The following PDE4B variants were observed in gnomAD, a reference collection of about 807,000 sequenced individuals.
PDE4B encodes 3',5'-cyclic-AMP phosphodiesterase 4B.
PDE4B carries 20 observed loss-of-function variants against 82.2 expected under a neutral mutation model. That is an observed-to-expected ratio of 0.24 (90% CI 0.17 to 0.35). The LOEUF (loss-of-function observed/expected upper bound fraction) is 0.35, where lower values mean the gene tolerates loss of function less well. Ranked by LOEUF, PDE4B falls within the 10% of genes least tolerant of loss-of-function variation. The pLI is 1.00. For missense variants in PDE4B, 655 were observed against 907.2 expected, an observed-to-expected ratio of 0.72 and a Z score of 3.57; for synonymous variants, 320 against 318.9, an observed-to-expected ratio of 1.00 and a Z score of -0.04.
chr1:66,282,949 G>A (rs542104016), intron 7 of PDE4B, among the ~76,000 whole-genome samples: 1 of 152,182 alleles, frequency 6.6e-6, no homozygotes, highest in Non-Finnish European at 1.5e-5. Flanking sequence ...ACCCTGACAA[G>A]AGGCCATACT....
chr1:65,819,346 CATGATTG>C (rs1005515789), intron 1 of PDE4B, among the ~76,000 whole-genome samples: 1 of 152,122 alleles, frequency 6.6e-6, no homozygotes, highest in Admixed American at 6.5e-5. Flanking sequence ...ATGGTGATTG[CATGATTG>C]AATGTCAGAA....
intron 3 of PDE4B, among the ~76,000 whole-genome samples, chr1:65,971,716 A>G (rs1456434354): frequency 1.3e-5 from 2 of 152,186 alleles, no homozygotes; most frequent in Non-Finnish European, 1.5e-5. Context: ...GGATGGTGTT[A>G]TCAGCAGTAT....
chr1:66,089,074 C>G (rs1644958488), intron 3 of PDE4B, among the ~76,000 whole-genome samples: 1 of 152,056 alleles, frequency 6.6e-6, no homozygotes, highest in Admixed American at 6.6e-5. Flanking sequence ...GCTAGCCAGT[C>G]TGGTTGGTAA....
intron 7 of PDE4B, among the ~76,000 whole-genome samples, chr1:66,283,993 C>A (rs745777448): frequency 2.0e-5 from 3 of 152,270 alleles, no homozygotes; most frequent in Admixed American, 6.5e-5. Context: ...GGCATTATGC[C>A]TGGGTAATGC....
chr1:66,257,963 C>T (rs928590290), intron 6 of PDE4B, 100 bp downstream of exon 6: 1 of 790,972 alleles, frequency 1.3e-6, no homozygotes, highest in Admixed American at 2.3e-5. Flanking sequence ...GAAAATTGTC[C>T]TCTAAGCTAA....
intron 3 of PDE4B, among the ~76,000 whole-genome samples, chr1:66,045,132 T>C (rs1056482001): frequency 2.0e-5 from 3 of 151,768 alleles, no homozygotes; most frequent in African/African-American, 7.2e-5. Flanking sequence ...TACCAGGACT[T>C]ATGACTGTTT....
At position 65,974,104 on chromosome 1, in the gene PDE4B, T is replaced by C. The variant is rs551681172; in HGVS notation, c.281+55269T>C. ...CTGGAATTACAGGTGTGAGCCACTA[T>C]ACCTGGCCTGGAATAATTTTTATGT... On this transcript the variant is annotated intron_variant, in intron 3 of 16. Transcript: ENST00000341517. 2.3e-3 allele frequency among the ~76,000 whole-genome samples: 354 copies of C among 152,290 alleles called. 1 individual carries two copies. Among genetic ancestry groups the C allele is most frequent in the Non-Finnish European group, 4.4e-3 (298 of 68,014 alleles).
At chr1:65,801,088 C>T (rs1181028159) in intron 1 of PDE4B, among the ~76,000 whole-genome samples, 1 of 152,198 alleles carries the variant, frequency 6.6e-6, no homozygotes, top group African/African-American at 2.4e-5. Flanking sequence ...CACTTCCCTT[C>T]TCGAACAAAG....
intron 3 of PDE4B, among the ~76,000 whole-genome samples, chr1:66,080,507 G>A (rs1408050338): frequency 2.6e-5 from 4 of 152,006 alleles, no homozygotes; most frequent in African/African-American, 4.8e-5. Flanking sequence ...ATTAGCAAAG[G>A]TTTTACTGTT....
At chr1:65,793,553 G>A (rs1038152833) in intron 1 of PDE4B, among the ~76,000 whole-genome samples, 1 of 152,206 alleles carries the variant, frequency 6.6e-6, no homozygotes, top group African/African-American at 2.4e-5. Flanking sequence ...AGAGGCAGAA[G>A]GATTCAGGGC....
chr1:65,805,899 C>T (rs927093998), intron 1 of PDE4B, among the ~76,000 whole-genome samples: 1 of 152,056 alleles, frequency 6.6e-6, no homozygotes, highest in African/African-American at 2.4e-5. Context: ...ATCTCATTCT[C>T]CTTGAAAATT....
At chr1:66,104,082 T>G (rs1645283859) in intron 3 of PDE4B, among the ~76,000 whole-genome samples, 3 of 141,464 alleles carry the variant, frequency 2.1e-5, no homozygotes, top group Non-Finnish European at 4.6e-5. Context: ...AAGCTATCCC[T>G]CCTCCCTCCC....
chr1:66,100,289 G>A (rs1371837687), intron 3 of PDE4B, among the ~76,000 whole-genome samples: 1 of 152,056 alleles, frequency 6.6e-6, no homozygotes, highest in African/African-American at 2.4e-5. Flanking sequence ...CTGACCTCAG[G>A]TGATCAGCCC....
At chr1:65,831,103 T>G (rs904559867) in intron 1 of PDE4B, among the ~76,000 whole-genome samples, 1 of 151,826 alleles carries the variant, frequency 6.6e-6, no homozygotes, top group Non-Finnish European at 1.5e-5. Context: ...TAACCCAAGC[T>G]TACACCTTGA....
At chr1:66,155,872 T>G (rs959052005) in intron 3 of PDE4B, among the ~76,000 whole-genome samples, 11 of 152,202 alleles carry the variant, frequency 7.2e-5, no homozygotes, top group African/African-American at 2.7e-4. Flanking sequence ...TCATCTAAAT[T>G]CACATAAGGA....
At chr1:66,191,212 G>A (rs553315433) in intron 3 of PDE4B, among the ~76,000 whole-genome samples, 149 of 152,108 alleles carry the variant, frequency 9.8e-4, no homozygotes, top group Non-Finnish European at 1.8e-3. Context: ...CCTAAAACTT[G>A]TATCTAGGAC....
chr1:65,874,713 T>C (rs984868136), intron 1 of PDE4B, among the ~76,000 whole-genome samples: 1 of 151,396 alleles, frequency 6.6e-6, no homozygotes, highest in African/African-American at 2.4e-5. Context: ...CCCTATTTAA[T>C]AAATGGTGCT....
At chr1:65,811,398 A>G (rs1645817582) in intron 1 of PDE4B, among the ~76,000 whole-genome samples, 1 of 152,186 alleles carries the variant, frequency 6.6e-6, no homozygotes, top group Non-Finnish European at 1.5e-5. Context: ...CTTTTGCCCC[A>G]AGGGCACCTA....
At chr1:65,815,200 C>T (rs1557760599) in intron 1 of PDE4B, among the ~76,000 whole-genome samples, 1 of 125,660 alleles carries the variant, frequency 8.0e-6, no homozygotes, top group African/African-American at 2.9e-5. Flanking sequence ...AGTGCCATCC[C>T]TCCCCCCTCC....
Sources: gnomAD v4.1 joint callset for allele counts (sites outside exome capture counted in the v4.1 genomes callset) on GRCh38, gnomAD v4.1.1 for gene constraint, MANE v1.5 for transcripts, NCBI Gene and HGNC (gene_info 2026-07-23, HGNC 2026-07-21) for gene names.